Variants in MYH16 observed in about 807,000 individuals in gnomAD.
MYH16 encodes the protein putative uncharacterized protein MYH16.
chr7:99,251,150 C>T (rs539421909), exon 6 of MYH16: 11 of 222,520 alleles, frequency 4.9e-5, no homozygotes, highest in African/African-American at 1.4e-4. Flanking sequence ...CCTTTGGGAA[C>T]GCCAAGACCA....
At chr7:99,262,751 TATGGAGCCCCCAGTGCTGGATGG>T (rs1476410363) in intron 13 of MYH16, among the ~76,000 whole-genome samples, 6 of 152,278 alleles carry the variant, frequency 3.9e-5, no homozygotes, top group African/African-American at 1.2e-4. Flanking sequence ...TACCTGGATA[TATGGAGCCCCCAGTGCTGGATGG>T]ATGGAGCCCC....
At chr7:99,310,882 G>A (rs969775952), downstream of MYH16, 4 of 152,202 alleles carry the variant, frequency 2.6e-5, no homozygotes, top group African/African-American at 4.8e-5. Context: ...GCGCTATGGT[G>A]GAAAATGAGC....
chr7:99,303,892 G>A (rs1286443254), intron 39 of MYH16, among the ~76,000 whole-genome samples: 1 of 152,164 alleles, frequency 6.6e-6, no homozygotes, highest in African/African-American at 2.4e-5. Flanking sequence ...GGGACGCAGA[G>A]GAGGACATTG....
chr7:99,287,207 G>A (rs1281480527), intron 28 of MYH16, among the ~76,000 whole-genome samples: 1 of 152,082 alleles, frequency 6.6e-6, no homozygotes, highest in African/African-American at 2.4e-5. Context: ...CCTGGACCTG[G>A]AGTGATAAGG....
In MYH16 at chr7:99,287,889, C is replaced by T. The variant is rs145243437; in HGVS notation, n.3461-3C>T. The T allele has an allele frequency of 2.9e-5, 13 of 454,830 alleles. No individual in the cohort carries two copies. Among genetic ancestry groups the T allele is most frequent in the African/African-American group, 2.6e-4 (13 of 50,022 alleles). 28.2% of individuals were successfully genotyped at this position (454,830 alleles called of 1,614,324 possible). A position where few individuals can be genotyped will look rare whatever the true frequency, so the allele number is the denominator to read the frequency against. ...CTGCTAAGCTGCTCCTCCTCTACCC[C>T]AGATCGAGCAGAACCGCAAGCGGGA... On this transcript the variant is annotated splice_polypyrimidine_tract_variant and splice_region_variant and intron_variant and non_coding_transcript_variant, in intron 28 of 41. Coordinates refer to ENST00000439784, the Ensembl canonical transcript of MYH16.
intron 32 of MYH16, 41 bp downstream of exon 13, chr7:99,292,549 G>A (rs1183141553): frequency 2.2e-6 from 1 of 450,576 alleles, no homozygotes; most frequent in Non-Finnish European, 4.5e-6. Flanking sequence ...GGTGGGCTGG[G>A]CAGGTGGTGC....
chr7:99,273,692 G>C lies in MYH16; in HGVS notation n.2485+269G>C, dbSNP rs919709332. On this transcript the variant is annotated intron_variant and non_coding_transcript_variant, in intron 20 of 41. Coordinates refer to ENST00000439784, the Ensembl canonical transcript of MYH16. ...GAGGATTGCTTGAGGCCAGGAGTTT[G>C]AGACCAGCCTGGGCAACACAGTGAG... Among the ~76,000 whole-genome samples, 5 of 151,930 alleles carry C rather than the reference G, an allele frequency of 3.3e-5. No homozygotes were observed. The East Asian group carries it at 9.7e-4, about 29-fold the overall frequency.
At chr7:99,294,202 C>G (rs1584356938) in intron 33 of MYH16, 52 bp downstream of exon 14, 1 of 434,602 alleles carries the variant, frequency 2.3e-6, no homozygotes. Context: ...AGAGAGCCCA[C>G]AGCAGGGCTA....
intron 20 of MYH16, among the ~76,000 whole-genome samples, chr7:99,277,248 AC>A (rs1792127049): frequency 6.6e-6 from 1 of 152,126 alleles, no homozygotes; most frequent in Non-Finnish European, 1.5e-5. Flanking sequence ...GCCTTGGGTC[AC>A]CCAGATGCCG....
chr7:99,295,197 G>A (rs892923690), intron 33 of MYH16, among the ~76,000 whole-genome samples: 8 of 152,060 alleles, frequency 5.3e-5, no homozygotes, highest in South Asian at 2.1e-4. Flanking sequence ...TGGGCAACTC[G>A]GTGAAATCCC....
chr7:99,243,861 CCATCCATCCAAACATT>C lies in MYH16; in HGVS notation n.354+457_354+472del, dbSNP rs1019576807. Among the ~76,000 whole-genome samples, 11 of 151,832 alleles carry C rather than the reference CCATCCATCCAAACATT, an allele frequency of 7.2e-5. No individual in the cohort carries two copies. The East Asian group carries it at 1.2e-3, about 16-fold the overall frequency. ...TTCATCCATCCATCCATCCAAACAT[CCATCCATCCAAACATT>C]CATCCATCCAAACATTTATCCATCC... On this transcript the variant is annotated intron_variant and non_coding_transcript_variant, in intron 2 of 41. Transcript: ENST00000439784.
At chr7:99,259,040 T>G (rs1791907031) in intron 11 of MYH16, among the ~76,000 whole-genome samples, 1 of 152,130 alleles carries the variant, frequency 6.6e-6, no homozygotes, top group Admixed American at 6.5e-5. Flanking sequence ...CAAATACTTT[T>G]AAACCATCAG....
intron 29 of MYH16, 52 bp downstream of exon 10, chr7:99,288,189 G>A (rs1375684611): frequency 3.4e-5 from 15 of 447,296 alleles, no homozygotes; most frequent in Middle Eastern, 5.0e-4. Context: ...TGTAATCCCA[G>A]CACTTTGGGA....
chr7:99,278,325 G>C (rs918811395), intron 21 of MYH16, among the ~76,000 whole-genome samples: 6 of 152,168 alleles, frequency 3.9e-5, no homozygotes, highest in Non-Finnish European at 4.4e-5. Context: ...TCCAGGGATG[G>C]TGGCCACGAG....
intron 18 of MYH16, among the ~76,000 whole-genome samples, chr7:99,268,705 C>T (rs115934792): frequency 0.016 from 2,487 of 152,292 alleles, 71 homozygotes; most frequent in African/African-American, 0.056. Context: ...TGGGCCCCAC[C>T]CCCAGCCACA....
intron 11 of MYH16, among the ~76,000 whole-genome samples, chr7:99,259,983 G>T (rs1472861902): frequency 6.6e-6 from 1 of 151,928 alleles, no homozygotes; most frequent in Non-Finnish European, 1.5e-5. Context: ...CTGTAGGGGA[G>T]GGAACAGAGA....
At chr7:99,272,325 G>A (rs1298204155) in intron 19 of MYH16, among the ~76,000 whole-genome samples, 1 of 152,176 alleles carries the variant, frequency 6.6e-6, no homozygotes, top group Non-Finnish European at 1.5e-5. Flanking sequence ...AGGTCTGAGA[G>A]GTTAAGGAAC....
chr7:99,296,109 A>G (rs1792486353), intron 33 of MYH16, among the ~76,000 whole-genome samples: 1 of 149,570 alleles, frequency 6.7e-6, no homozygotes, highest in South Asian at 2.1e-4. Flanking sequence ...ATGCCACTGC[A>G]CTACAGCCTG....
At chr7:99,299,163 T>C (rs768965341) in intron 36 of MYH16, among the ~76,000 whole-genome samples, 1 of 152,130 alleles carries the variant, frequency 6.6e-6, no homozygotes, top group Non-Finnish European at 1.5e-5. Context: ...GGAAGATCAC[T>C]TGAGCCCCAG....
Sources: gnomAD v4.1 joint callset for allele counts (sites outside exome capture counted in the v4.1 genomes callset) on GRCh38, gnomAD v4.1.1 for gene constraint, MANE v1.5 for transcripts, NCBI Gene and HGNC (gene_info 2026-07-23, HGNC 2026-07-21) for gene names.